CCN4: variants seen among roughly 807,000 people sequenced by gnomAD.
CCN4 encodes the protein CCN family member 4.
Under a neutral mutation model 36.7 loss-of-function variants are expected in CCN4, and 30 were observed. The observed-to-expected ratio is 0.82, with a 90% CI of 0.61 to 1.11. The LOEUF (loss-of-function observed/expected upper bound fraction) is 1.11, where lower values mean the gene tolerates loss of function less well. Among genes scored for constraint, CCN4 ranks in the 50% least tolerant of loss-of-function variants. The pLI, the probability that CCN4 is intolerant of heterozygous loss-of-function variation, is 0.00. For missense variants in CCN4, 505 were observed against 504.9 expected (o/e 1.00, Z 0.00); for synonymous variants, 191 against 195.4 (o/e 0.98, Z 0.19).
In CCN4 at chr8:133,203,953, A is replaced by G. The variant is rs149061739; in HGVS notation, c.70-8911A>G. Among the ~76,000 whole-genome samples, 6 of 152,328 alleles carry G rather than the reference A, an allele frequency of 3.9e-5. No individual in the cohort carries two copies. In the East Asian group the frequency reaches 9.6e-4, roughly 24 times the overall value. On this transcript the variant is annotated intron_variant, in intron 1 of 4. Transcript: ENST00000250160. ...GTCCACTTTCAAAGAGCTGAAATAC[A>G]CCATAATAATCAGTTACCACTCACC...
chr8:133,191,874 ATGTG>A (rs1277921398), intron 1 of CCN4, among the ~76,000 whole-genome samples: 1 of 152,034 alleles, frequency 6.6e-6, no homozygotes, highest in African/African-American at 2.4e-5. Flanking sequence ...GGTGGGGGTG[ATGTG>A]GGCACCCCAG....
chr8:133,197,787 G>A (rs926194936), intron 1 of CCN4, among the ~76,000 whole-genome samples: 30 of 152,136 alleles, frequency 2.0e-4, no homozygotes, highest in African/African-American at 7.0e-4. Context: ...GAAAGCCCAG[G>A]CCCAAAGGAA....
chr8:133,210,849 A>T (rs1270782450), intron 1 of CCN4, among the ~76,000 whole-genome samples: 3 of 152,192 alleles, frequency 2.0e-5, no homozygotes, highest in African/African-American at 7.2e-5. Context: ...GCGAGTCAGG[A>T]GAGTCCGCCC....
intron 4 of CCN4, 135 bp from the exon 5 acceptor site, chr8:133,227,276 T>G (rs1854770803): frequency 2.4e-6 from 2 of 837,366 alleles, no homozygotes; most frequent in Non-Finnish European, 3.7e-6. Flanking sequence ...CCTCCTTGCT[T>G]GAGGATGCTG....
intron 1 of CCN4, among the ~76,000 whole-genome samples, chr8:133,199,806 A>G (rs1254140873): frequency 2.0e-5 from 3 of 152,040 alleles, no homozygotes; most frequent in African/African-American, 7.2e-5. Flanking sequence ...TGGCTCTTAG[A>G]TGATCAAAGA....
intron 1 of CCN4, among the ~76,000 whole-genome samples, chr8:133,200,514 C>A (rs1199624051): frequency 1.3e-5 from 2 of 152,230 alleles, no homozygotes; most frequent in African/African-American, 4.8e-5. Context: ...CCGCCAAGCC[C>A]AGGCCTGGGA....
intron 1 of CCN4, among the ~76,000 whole-genome samples, chr8:133,204,392 A>G (rs890441577): frequency 1.3e-5 from 2 of 152,206 alleles, no homozygotes; most frequent in Non-Finnish European, 2.9e-5. Context: ...TACAAAAGTC[A>G]GATGTTAAAA....
chr8:133,212,858 C>G lies in CCN4; in HGVS notation c.70-6C>G, dbSNP rs1260048415. On this transcript the variant is annotated splice_region_variant and splice_polypyrimidine_tract_variant and intron_variant, in intron 1 of 4. Coordinates refer to ENST00000250160, the MANE Select transcript of CCN4 (RefSeq NM_003882.4). ...GCCCCCCTTTCCCTCTGCCCTCCCC[C>G]CGCAGGCCCTCTCTCCAGCCCCTAC... is the stretch of plus-strand genomic sequence containing the variant. 3.1e-5 allele frequency: 48 copies of G among 1,567,044 alleles called. No homozygotes were observed. The highest frequency in any genetic ancestry group is 3.7e-5 in the Non-Finnish European group (43 of 1,148,930).
chr8:133,205,974 A>G (rs1353780813), intron 1 of CCN4, among the ~76,000 whole-genome samples: 1 of 152,144 alleles, frequency 6.6e-6, no homozygotes, highest in Non-Finnish European at 1.5e-5. Context: ...ATTTTGACAA[A>G]GGCCATACTC....
chr8:133,191,560 C>G (rs1043172257), intron 1 of CCN4, among the ~76,000 whole-genome samples: 5 of 152,146 alleles, frequency 3.3e-5, no homozygotes, highest in Non-Finnish European at 7.3e-5. Flanking sequence ...GCTGTGTGGC[C>G]TCGGGTGGGT....
rs1564269358 is a variant in CCN4 at position 133,227,487 on chromosome 8, GCTC to G, written c.884_886del (p.Ser295del). ...ACACTTGCGGGCTGCATCAGCACAC[GCTC>G]CTATCAACCCAAGTACTGTGGAGTT... On this transcript the variant is annotated inframe_deletion, in exon 5 of 5. Transcript: ENST00000250160. 6.2e-7 allele frequency: 1 copy of G among 1,614,180 alleles called. No individual in the cohort carries two copies. Among genetic ancestry groups the G allele is most frequent in the East Asian group, 2.2e-5 (1 of 44,882 alleles).
intron 1 of CCN4, among the ~76,000 whole-genome samples, chr8:133,206,496 G>T (rs1347723244): frequency 6.6e-6 from 1 of 152,126 alleles, no homozygotes; most frequent in African/African-American, 2.4e-5. Context: ...TTTTTTTGGG[G>T]GGTGGAAAAA....
intron 1 of CCN4, among the ~76,000 whole-genome samples, chr8:133,211,190 C>G (rs1854013663): frequency 6.6e-6 from 1 of 152,196 alleles, no homozygotes; most frequent in South Asian, 2.1e-4. Context: ...CCCTGGTGTT[C>G]AGAGAGCTTC....
At position 133,215,872 on chromosome 8, in the gene CCN4, T is replaced by C. The variant is rs1854301896; in HGVS notation, c.349+2729T>C. 2.0e-5 allele frequency among the ~76,000 whole-genome samples: 3 copies of C among 152,190 alleles called. 1 individual carries two copies. In the South Asian group the frequency reaches 6.2e-4, roughly 31 times the overall value. ...AATTCTCAGAGGCTTCAAATTTTCA[T>C]GTCCATTGCCAAATTCCAAAAGAGA... On this transcript the variant is annotated intron_variant, in intron 2 of 4. Transcript: ENST00000250160.
intron 4 of CCN4, among the ~76,000 whole-genome samples, chr8:133,226,714 C>T (rs973441199): frequency 1.3e-5 from 2 of 152,136 alleles, no homozygotes; most frequent in South Asian, 2.1e-4. Context: ...GAATTATGTG[C>T]CCTCAGAGGG....
Position 133,210,386 on chromosome 8 carries a change from G to GGTGTGTGTGT in CCN4, c.70-2451_70-2442dup, listed in dbSNP as rs71299053. Among the ~76,000 whole-genome samples, 463 of 145,678 alleles carry GGTGTGTGTGT rather than the reference G, an allele frequency of 3.2e-3. 3 individuals carry two copies. The highest frequency in any genetic ancestry group is 0.011 in the African/African-American group (438 of 39,108). On this transcript the variant is annotated intron_variant, in intron 1 of 4. Transcript: ENST00000250160. The stretch of plus-strand genomic sequence containing the variant: ...GTCTCTCCCCAAAGTCAAAAAGAGG[G>GGTGTGTGTGT]GTGTGTGTGTGTGTGTGTGTGTGTG...
At position 133,230,470 on chromosome 8, in the gene CCN4, C is replaced by T. The variant is rs1854917078; in HGVS notation, c.*2760C>T. ...TTTTATAAGTGGAAAAGAGAAGTGC[C>T]CCCAAAAAGTTAGAGCTCAAACAGC... On this transcript the variant is annotated 3_prime_UTR_variant, in exon 5 of 5. Transcript: ENST00000250160. The T allele has an allele frequency of 6.6e-6, 1 of 152,104 alleles. No individual in the cohort carries two copies. The highest frequency in any genetic ancestry group is 1.5e-5 in the Non-Finnish European group (1 of 68,032). 9.4% of individuals were successfully genotyped at this position (152,104 alleles called of 1,614,324 possible). A position where few individuals can be genotyped will look rare whatever the true frequency, so the allele number is the denominator to read the frequency against.
At chr8:133,225,633 T>G in intron 4 of CCN4, 50 bp downstream of exon 4, 2 of 1,472,776 alleles carry the variant, frequency 1.4e-6, no homozygotes, top group East Asian at 4.9e-5. Flanking sequence ...CAGACAAATA[T>G]GGGTTTGAGC....
Position 133,212,908 on chromosome 8 carries a change from A to G in CCN4, c.114A>G (p.Pro38=), listed in dbSNP as rs1351902444. 1 of 1,603,344 alleles carries G rather than the reference A, an allele frequency of 6.2e-7. No individual in the cohort carries two copies. Among genetic ancestry groups the G allele is most frequent in the Non-Finnish European group, 8.5e-7 (1 of 1,175,456 alleles). Residue 38 remains proline (P), a synonymous_variant, in exon 2 of 5, where the codon CCA becomes CCG. Transcript: ENST00000250160. ...APTTMDFTPA[P]LEDTSSRPQF... is the part of the protein sequence containing the mutation. ...CGACCATGGACTTTACCCCAGCTCC[A>G]CTGGAGGACACCTCCTCACGCCCCC...
Sources: gnomAD v4.1 joint callset for allele counts (sites outside exome capture counted in the v4.1 genomes callset) on GRCh38, gnomAD v4.1.1 for gene constraint, MANE v1.5 for transcripts, NCBI Gene and HGNC (gene_info 2026-07-23, HGNC 2026-07-21) for gene names.